Variants in CLSTN2 observed in about 807,000 individuals in gnomAD.
The protein encoded by CLSTN2 is calsyntenin-2.
CLSTN2 carries 48 observed loss-of-function variants against 101.2 expected under a neutral mutation model. The ratio of observed to expected loss-of-function variants is 0.47; its 90% confidence interval spans 0.38 to 0.60. The LOEUF is 0.60. Ranked by LOEUF, CLSTN2 falls within the 20% of genes least tolerant of loss-of-function variation. CLSTN2 has a pLI of 0.00. For synonymous variants in CLSTN2, 481 were observed against 463.6 expected (o/e 1.04, Z -0.48); for missense variants, 1,160 against 1,238.2 (o/e 0.94, Z 0.95).
At chr3:140,041,657 G>A (rs543733703) in intron 1 of CLSTN2, among the ~76,000 whole-genome samples, 113 of 152,266 alleles carry the variant, frequency 7.4e-4, no homozygotes, top group African/African-American at 2.5e-3. Context: ...CTTTGCACAT[G>A]TTGCTCTTTC....
At chr3:140,120,905 C>T (rs919948192) in intron 1 of CLSTN2, among the ~76,000 whole-genome samples, 2 of 152,252 alleles carry the variant, frequency 1.3e-5, no homozygotes. Flanking sequence ...CACAAAACAC[C>T]CTGGCGGCCA....
intron 2 of CLSTN2, among the ~76,000 whole-genome samples, chr3:140,249,634 A>G (rs531665023): frequency 1.3e-5 from 2 of 152,266 alleles, no homozygotes; most frequent in Middle Eastern, 3.4e-3. Flanking sequence ...CATTTTACAG[A>G]TGAGAAAATG....
At chr3:140,230,934 A>G (rs760845683) in intron 2 of CLSTN2, among the ~76,000 whole-genome samples, 3 of 152,198 alleles carry the variant, frequency 2.0e-5, no homozygotes, top group Non-Finnish European at 2.9e-5. Flanking sequence ...GTAGGCTCTC[A>G]GGAGGCTTCA....
At chr3:140,001,073 A>G (rs892522307) in intron 1 of CLSTN2, among the ~76,000 whole-genome samples, 2 of 152,160 alleles carry the variant, frequency 1.3e-5, no homozygotes, top group Non-Finnish European at 2.9e-5. Context: ...TTGTTCCCAT[A>G]TTGTACATGC....
At chr3:140,549,413 C>T (rs1037093795) in intron 10 of CLSTN2, among the ~76,000 whole-genome samples, 1 of 151,504 alleles carries the variant, frequency 6.6e-6, no homozygotes, top group African/African-American at 2.4e-5. Flanking sequence ...TTTTTATAAC[C>T]TTTTTATAAC....
intron 2 of CLSTN2, among the ~76,000 whole-genome samples, chr3:140,223,811 C>T (rs2086295477): frequency 6.6e-6 from 1 of 152,196 alleles, no homozygotes; most frequent in Admixed American, 6.5e-5. Context: ...TGCTTTCTTC[C>T]AAATGCTACA....
intron 5 of CLSTN2, among the ~76,000 whole-genome samples, chr3:140,440,406 G>T (rs943556043): frequency 1.3e-5 from 2 of 152,182 alleles, no homozygotes; most frequent in East Asian, 3.8e-4. Flanking sequence ...GAAAAGAGGG[G>T]ATTCCTTATG....
intron 6 of CLSTN2, among the ~76,000 whole-genome samples, chr3:140,456,111 A>T (rs554351987): frequency 6.6e-6 from 1 of 152,268 alleles, no homozygotes; most frequent in Admixed American, 6.5e-5. Context: ...AAGAACACTA[A>T]CTGGGTATCT....
intron 10 of CLSTN2, among the ~76,000 whole-genome samples, chr3:140,551,832 A>G (rs1183471143): frequency 2.1e-5 from 3 of 144,196 alleles, no homozygotes; most frequent in African/African-American, 7.6e-5. Flanking sequence ...ATATATTTAA[A>G]TATATATTAT....
chr3:140,226,960 T>A (rs1246345039), intron 2 of CLSTN2, among the ~76,000 whole-genome samples: 1 of 152,152 alleles, frequency 6.6e-6, no homozygotes, highest in Non-Finnish European at 1.5e-5. Flanking sequence ...CAGGTCCCTC[T>A]CATGATACTT....
chr3:140,402,184 A>C (rs1476849596), intron 2 of CLSTN2, among the ~76,000 whole-genome samples: 2 of 152,230 alleles, frequency 1.3e-5, no homozygotes, highest in African/African-American at 4.8e-5. Flanking sequence ...TGATTCCTAT[A>C]TGTAAATCAG....
chr3:140,432,314 A>G (rs2088640594), intron 5 of CLSTN2, among the ~76,000 whole-genome samples: 1 of 152,218 alleles, frequency 6.6e-6, no homozygotes, highest in African/African-American at 2.4e-5. Context: ...AGAGCCTTGC[A>G]CAGAACCACA....
At chr3:139,977,299 G>C (rs995481644) in intron 1 of CLSTN2, among the ~76,000 whole-genome samples, 1 of 152,084 alleles carries the variant, frequency 6.6e-6, no homozygotes, top group Admixed American at 6.5e-5. Context: ...AAGGAAGAAT[G>C]GACAGAAGGA....
intron 2 of CLSTN2, among the ~76,000 whole-genome samples, chr3:140,346,115 T>C (rs1441759730): frequency 6.6e-6 from 1 of 152,204 alleles, no homozygotes; most frequent in Non-Finnish European, 1.5e-5. Flanking sequence ...CCCTGCTGTC[T>C]CTTTTTGTGC....
intron 5 of CLSTN2, among the ~76,000 whole-genome samples, chr3:140,432,147 T>G (rs1279893031): frequency 6.6e-6 from 1 of 152,040 alleles, no homozygotes; most frequent in Non-Finnish European, 1.5e-5. Flanking sequence ...TGTACAGTCC[T>G]GGGGGTCGGT....
rs1476344088 is a variant in CLSTN2 at position 140,572,893 on chromosome 3, T to C, written c.*6640T>C. 6.6e-6 allele frequency: 1 copy of C among 152,378 alleles called. No individual in the cohort carries two copies. Among genetic ancestry groups the C allele is most frequent in the Non-Finnish European group, 1.5e-5 (1 of 68,190 alleles). The allele number at this position is 152,378 out of a possible 1,614,324, so 9.4% of individuals were successfully genotyped here. A position where few individuals can be genotyped will look rare whatever the true frequency, so the allele number is the denominator to read the frequency against. On this transcript the variant is annotated 3_prime_UTR_variant, in exon 17 of 17. Coordinates refer to ENST00000458420, the MANE Select transcript of CLSTN2 (RefSeq NM_022131.3). ...CCCCCAGCCCCCATCCTGGGCCTTTTTGGCTCCAGTTTATACTCACTGAAG... is the reference window on the plus strand; with the variant it reads ...CCCCCAGCCCCCATCCTGGGCCTTTCTGGCTCCAGTTTATACTCACTGAAG...
chr3:140,196,225 C>T (rs1293585096), intron 2 of CLSTN2, among the ~76,000 whole-genome samples: 2 of 152,222 alleles, frequency 1.3e-5, no homozygotes, highest in East Asian at 3.9e-4. Flanking sequence ...CATCCTTGTC[C>T]TGGCAGCTGG....
chr3:140,291,688 G>A (rs1413821975), intron 2 of CLSTN2, among the ~76,000 whole-genome samples: 2 of 151,142 alleles, frequency 1.3e-5, no homozygotes, highest in Admixed American at 1.3e-4. Flanking sequence ...TCCCCTGTCT[G>A]CTTGGCATCT....
At chr3:140,387,035 C>T (rs776325619) in intron 2 of CLSTN2, among the ~76,000 whole-genome samples, 5 of 152,204 alleles carry the variant, frequency 3.3e-5, no homozygotes, top group African/African-American at 1.2e-4. Flanking sequence ...ACCAACTTTA[C>T]GGCCTAGCTT....
Sources: gnomAD v4.1 joint callset for allele counts (sites outside exome capture counted in the v4.1 genomes callset) on GRCh38, gnomAD v4.1.1 for gene constraint, MANE v1.5 for transcripts, NCBI Gene and HGNC (gene_info 2026-07-23, HGNC 2026-07-21) for gene names.